IDNK: variants seen among roughly 807,000 people sequenced by gnomAD.
IDNK encodes IDNK gluconokinase, also known as gluconokinase.
In IDNK, 9 loss-of-function variants were observed where a neutral mutation model predicts 13.0. The ratio of observed to expected loss-of-function variants is 0.69; its 90% CI spans 0.42 to 1.21. The LOEUF is 1.21. IDNK is among the 50% of genes most tolerant of loss of function. The pLI, the probability that IDNK is intolerant of heterozygous loss-of-function variation, is 0.00. For synonymous variants in IDNK, 92 were observed against 94.9 expected (o/e 0.97, Z 0.18); for missense variants, 210 against 237.8 (o/e 0.88, Z 0.77).
chr9:83,640,727 C>G (rs1831281057), intron 3 of IDNK, among the ~76,000 whole-genome samples: 1 of 152,184 alleles, frequency 6.6e-6, no homozygotes, highest in Admixed American at 6.5e-5. Context: ...TGCCTGTAAT[C>G]CCAGCTACTC....
intron 3 of IDNK, among the ~76,000 whole-genome samples, chr9:83,629,501 C>A (rs1830954598): frequency 6.6e-6 from 1 of 152,208 alleles, no homozygotes; most frequent in African/African-American, 2.4e-5. Flanking sequence ...GAGCCATGCG[C>A]CTCCATATCT....
chr9:83,623,031 G>A (rs1278299483), upstream of IDNK: 5 of 545,048 alleles, frequency 9.2e-6, no homozygotes, highest in East Asian at 1.1e-4. Context: ...ATGGAAAAGG[G>A]GCGCGGGAAA....
intron 4 of IDNK, among the ~76,000 whole-genome samples, chr9:83,643,219 G>C (rs989278064): frequency 1.3e-5 from 2 of 152,190 alleles, no homozygotes; most frequent in African/African-American, 2.4e-5. Flanking sequence ...CTGACGCTCA[G>C]AGAGGTAAAT....
In IDNK at chr9:83,630,637, A is replaced by T. The variant is rs368028474; in HGVS notation, c.168+1678A>T. Among the ~76,000 whole-genome samples the T allele has an allele frequency of 2.6e-3, 399 of 152,380 alleles. 14 individuals carry two copies. In the South Asian group the frequency reaches 0.08, roughly 31 times the overall value. The stretch of plus-strand genomic sequence containing the variant: ...CGCATACAACATAAATCATATATAC[A>T]TGCCAATAACCATTTCTAAGGGAGT... On this transcript the variant is annotated intron_variant, in intron 3 of 4. Coordinates refer to ENST00000376419, the MANE Select transcript of IDNK (RefSeq NM_001001551.4).
In IDNK at chr9:83,627,342, C is replaced by T. The variant is rs1451688674; in HGVS notation, c.51-839C>T. ...CTATGTACTAGACTGTTTAGGAAGG[C>T]TGAGGCCATGTGTCAGTGAGCTTAC... On this transcript the variant is annotated intron_variant, in intron 1 of 4. Coordinates refer to ENST00000376419, the MANE Select transcript of IDNK (RefSeq NM_001001551.4). 2.0e-5 allele frequency among the ~76,000 whole-genome samples: 3 copies of T among 152,328 alleles called. No homozygotes were observed. The South Asian group carries it at 6.2e-4, about 32-fold the overall frequency.
chr9:83,632,557 CAAAAAAAAAAAAAA>C (rs61214533), intron 3 of IDNK, among the ~76,000 whole-genome samples: 288 of 78,570 alleles, frequency 3.7e-3, no homozygotes, highest in Non-Finnish European at 5.9e-3. Context: ...AGCTGATGAG[CAAAAAAAAAAAAAA>C]AAAAAAAAAA....
intron 3 of IDNK, among the ~76,000 whole-genome samples, chr9:83,634,844 C>T (rs1453272407): frequency 6.6e-6 from 1 of 152,224 alleles, no homozygotes; most frequent in Non-Finnish European, 1.5e-5. Context: ...AACATTTACT[C>T]GTGCCAAAAA....
At chr9:83,627,823 T>A (rs1830896942) in intron 1 of IDNK, among the ~76,000 whole-genome samples, 1 of 138,826 alleles carries the variant, frequency 7.2e-6, no homozygotes, top group South Asian at 2.2e-4. Context: ...TCAGCAGAAT[T>A]TTATCACTAT....
At chr9:83,626,677 A>G in intron 1 of IDNK, 1 of 1,274,270 alleles carries the variant, frequency 7.8e-7, no homozygotes, top group African/African-American at 1.5e-5. Context: ...TCAGCCTCCC[A>G]AAGTGCTGGG....
chr9:83,641,414 A>G (rs2131118363), intron 3 of IDNK, 134 bp from the exon 4 acceptor site: 1 of 887,460 alleles, frequency 1.1e-6, no homozygotes, highest in Non-Finnish European at 1.8e-6. Flanking sequence ...AGCCTTGTGC[A>G]TGGCCCACTC....
intron 3 of IDNK, among the ~76,000 whole-genome samples, chr9:83,631,715 G>A (rs1021187189): frequency 6.6e-5 from 10 of 152,106 alleles, no homozygotes; most frequent in African/African-American, 9.7e-5. Context: ...GTGGCTACTG[G>A]CTACCTTACT....
Position 83,643,880 on chromosome 9 carries a change from T to G in IDNK, c.*100T>G, listed in dbSNP as rs572575232. The G allele has an allele frequency of 1.2e-4, 99 of 833,524 alleles. No individual in the cohort carries two copies. The African/African-American group carries it at 1.6e-3, about 13-fold the overall frequency. 51.6% of individuals were successfully genotyped at this position (833,524 alleles called of 1,614,324 possible). ...CCTTGCCCATACTAGATTCTAAATG[T>G]TTCTAAAGGCAAACCCCAATGTGTC... On this transcript the variant is annotated 3_prime_UTR_variant, in exon 5 of 5. Coordinates refer to ENST00000376419, the MANE Select transcript of IDNK (RefSeq NM_001001551.4).
At chr9:83,643,404 C>CTTTTTTT in intron 4 of IDNK, 25 bp from the exon 5 acceptor site, 6 of 1,362,702 alleles carry the variant, frequency 4.4e-6, no homozygotes, top group Non-Finnish European at 4.0e-6. Flanking sequence ...TAGCCTCCCT[C>CTTTTTTT]TTTTTTTTTT....
intron 3 of IDNK, among the ~76,000 whole-genome samples, chr9:83,631,794 C>A (rs910170917): frequency 3.3e-5 from 5 of 151,980 alleles, no homozygotes; most frequent in Non-Finnish European, 2.9e-5. Context: ...AAACATTCTA[C>A]CCAAGCTGTG....
At chr9:83,641,142 G>A (rs1831294964) in intron 3 of IDNK, among the ~76,000 whole-genome samples, 1 of 152,086 alleles carries the variant, frequency 6.6e-6, no homozygotes, top group Non-Finnish European at 1.5e-5. Flanking sequence ...TTCTTTGGAG[G>A]GTTTGAAGAA....
intron 1 of IDNK, among the ~76,000 whole-genome samples, chr9:83,625,311 C>T (rs1830819556): frequency 6.6e-6 from 1 of 152,190 alleles, no homozygotes; most frequent in African/African-American, 2.4e-5. Context: ...ACCTCAGAAG[C>T]TCAGTGTGGG....
At chr9:83,628,118 C>A in intron 1 of IDNK, 63 bp from the exon 2 acceptor site, 3 of 1,548,764 alleles carry the variant, frequency 1.9e-6, no homozygotes, top group Non-Finnish European at 2.6e-6. Flanking sequence ...GACATCCTTG[C>A]ACAGAAGGAA....
chr9:83,634,924 C>CTCTA (rs1331654953), intron 3 of IDNK, among the ~76,000 whole-genome samples: 1 of 152,198 alleles, frequency 6.6e-6, no homozygotes, highest in East Asian at 1.9e-4. Context: ...TGCCCCTTAA[C>CTCTA]TCTAAGTAGA....
intron 3 of IDNK, among the ~76,000 whole-genome samples, chr9:83,634,568 T>C (rs2131628935): frequency 6.6e-6 from 1 of 152,376 alleles, no homozygotes; most frequent in African/African-American, 2.4e-5. Flanking sequence ...ATGAAATATT[T>C]CAGGCACATA....
Sources: gnomAD v4.1 joint callset for allele counts (sites outside exome capture counted in the v4.1 genomes callset) on GRCh38, gnomAD v4.1.1 for gene constraint, MANE v1.5 for transcripts, NCBI Gene and HGNC (gene_info 2026-07-23, HGNC 2026-07-21) for gene names.